The following EPG5 variants were observed in gnomAD, a reference collection of about 807,000 sequenced individuals.
The protein encoded by EPG5 is ectopic P-granules 5 autophagy tethering factor.
A neutral mutation model predicts 302.7 loss-of-function variants in EPG5; 159 were observed. That is an observed-to-expected ratio of 0.53 (90% CI 0.46 to 0.60). The LOEUF (loss-of-function observed/expected upper bound fraction) is 0.60, where lower values mean the gene tolerates loss of function less well. EPG5 is among the 20% of genes least tolerant of loss of function. The pLI is 0.00. For missense variants in EPG5, 2,896 were observed against 3,092.4 expected (o/e 0.94, Z 1.51); for synonymous variants, 1,158 against 1,136.8 (o/e 1.02, Z -0.37).
At position 45,896,690 on chromosome 18, in the gene EPG5, G is replaced by A. The variant is rs548670080; in HGVS notation, c.4809+2714C>T. The stretch of plus-strand genomic sequence containing the variant: ...CACCCAAGTAGCTTGGACCACAGGC[G>A]TGCGCCACCATGCCCGGCTTATTTT... On this transcript the variant is annotated intron_variant, in intron 27 of 43. Transcript: ENST00000282041. Among the ~76,000 whole-genome samples the A allele has an allele frequency of 1.8e-4, 28 of 152,180 alleles. No homozygotes were observed. The South Asian group carries it at 3.9e-3, about 21-fold the overall frequency.
intron 9 of EPG5, 38 bp from the exon 10 acceptor site, chr18:45,939,793 G>C: frequency 6.4e-7 from 1 of 1,573,650 alleles, no homozygotes. Flanking sequence ...CTTTTCATTA[G>C]CTCAATATCT....
In EPG5 at chr18:45,880,076, T is replaced by C; in HGVS notation, c.5666A>G (p.Gln1889Arg). ...SSSDALLSDK[Q>R]VMETIQWLSD... The stretch of plus-strand genomic sequence containing the variant: ...CGTCAGAGACCAAAGGCTACACACC[T>C]GCTTGTCTGACAAGAGAGCATCAGA... The change falls in exon 32 of 44, where the codon CAG (glutamine) becomes CGG (arginine). Residue 1889 changes from glutamine (Q) to arginine (R), a missense_variant and splice_region_variant. By Grantham distance (43) the Gln-to-Arg change is conservative (BLOSUM62 1). Coordinates refer to ENST00000282041, the MANE Select transcript of EPG5 (RefSeq NM_020964.3). The C allele has an allele frequency of 6.3e-7, 1 of 1,581,042 alleles. No individual in the cohort carries two copies. The highest frequency in any genetic ancestry group is 8.6e-7 in the Non-Finnish European group (1 of 1,161,276).
chr18:45,867,841 A>C (rs2048779387), intron 36 of EPG5, 93 bp from the exon 37 acceptor site: 1 of 1,155,840 alleles, frequency 8.7e-7, no homozygotes, highest in Non-Finnish European at 1.2e-6. Context: ...ATGTTTTTAA[A>C]AAACACTTTT....
rs2145189607 is a variant in EPG5 at position 45,857,613 on chromosome 18, T to TA, written c.7442+239dup. The stretch of plus-strand genomic sequence containing the variant: ...AAAGTCCAAACACAACAGGAGATAC[T>TA]ATTAAAAATACTGTTTGAATTGAAA... On this transcript the variant is annotated intron_variant, in intron 42 of 43. Transcript: ENST00000282041. 5 of 471,942 alleles carry TA rather than the reference T, an allele frequency of 1.1e-5. No homozygotes were observed. In the South Asian group the frequency reaches 1.3e-4, roughly 13 times the overall value. The allele number at this position is 471,942 out of a possible 1,614,324, so 29.2% of individuals were successfully genotyped here.
At chr18:45,807,426 C>A in the EPG5 span, among the ~76,000 whole-genome samples, 10 of 152,216 alleles carry the variant, frequency 6.6e-5, no homozygotes, top group Non-Finnish European at 1.2e-4. Context: ...CCAACCAGCA[C>A]AAAAATACTA....
At chr18:45,854,875 T>G (rs2048482161) in intron 43 of EPG5, among the ~76,000 whole-genome samples, 1 of 152,184 alleles carries the variant, frequency 6.6e-6, no homozygotes, top group Non-Finnish European at 1.5e-5. Context: ...AATAAAGTCG[T>G]TTCTGTGCTA....
At chr18:45,912,623 T>C (rs181363150) in intron 21 of EPG5, among the ~76,000 whole-genome samples, 167 bp from the exon 22 acceptor site, 1 of 152,330 alleles carries the variant, frequency 6.6e-6, no homozygotes, top group African/African-American at 2.4e-5. Context: ...AGTTAACATT[T>C]TAACCTCCTT....
At chr18:45,893,155 AT>A (rs2049388199) in intron 27 of EPG5, among the ~76,000 whole-genome samples, 2 of 152,198 alleles carry the variant, frequency 1.3e-5, no homozygotes, top group Non-Finnish European at 2.9e-5. Context: ...GGGGTCTTGA[AT>A]TTAGACATAT....
In EPG5 at chr18:45,855,729, A is replaced by G. The variant is rs367860676; in HGVS notation, c.7443-42T>C. The G allele has an allele frequency of 6.2e-6, 8 of 1,283,326 alleles. No individual in the cohort carries two copies. In the African/African-American group the frequency reaches 1.0e-4, roughly 16 times the overall value. 79.5% of individuals were successfully genotyped at this position (1,283,326 alleles called of 1,614,324 possible). ...AGGTCAGAAGAAGTAAATGGCTATTAAAGTAAGCATTTTGAAATAAACACC... is the reference window on the plus strand; with the variant it reads ...AGGTCAGAAGAAGTAAATGGCTATTGAAGTAAGCATTTTGAAATAAACACC... On this transcript the variant is annotated intron_variant, in intron 42 of 43. Transcript: ENST00000282041.
rs371684643 is a variant in EPG5 at position 45,954,552 on chromosome 18, G to A, written c.850C>T (p.His284Tyr). The stretch of plus-strand genomic sequence containing the variant: ...TCATAAAATTCATGCCTGTCTTGAT[G>A]AGCCATGCTGTCAAATTCTTCTAAA... ...SYLEEFDSMA[H>Y]QDRHEFYELL... Residue 284 changes from histidine to tyrosine, a missense_variant, in exon 2 of 44, where the codon CAT (histidine) becomes TAT (tyrosine). His to Tyr is a moderately conservative substitution (Grantham distance 83). Coordinates refer to ENST00000282041, the MANE Select transcript of EPG5 (RefSeq NM_020964.3). 5.0e-6 allele frequency: 8 copies of A among 1,614,136 alleles called. No homozygotes were observed. In the African/African-American group the frequency reaches 6.7e-5, roughly 13 times the overall value.
intron 35 of EPG5, among the ~76,000 whole-genome samples, chr18:45,873,869 G>A (rs1469304741): frequency 6.6e-6 from 1 of 152,172 alleles, no homozygotes; most frequent in Admixed American, 6.5e-5. Context: ...GAGCTATCCA[G>A]CCATGAAAAG....
At chr18:45,823,194 A>G in the EPG5 span, among the ~76,000 whole-genome samples, 1 of 152,258 alleles carries the variant, frequency 6.6e-6, no homozygotes, top group East Asian at 1.9e-4. Context: ...CTCCAGGCAG[A>G]AGGAACAGTA....
the EPG5 span, among the ~76,000 whole-genome samples, chr18:45,835,523 A>T: frequency 1.3e-5 from 2 of 152,228 alleles, no homozygotes; most frequent in African/African-American, 4.8e-5. Context: ...AAAAAATAAA[A>T]GGCCATGAAA....
intron 27 of EPG5, among the ~76,000 whole-genome samples, chr18:45,891,947 T>C (rs1193517333): frequency 6.6e-6 from 1 of 152,164 alleles, no homozygotes; most frequent in African/African-American, 2.4e-5. Context: ...CAAATACAGT[T>C]AGACCGGGAC....
At chr18:45,842,151 C>T in the EPG5 span, 1 of 1,614,162 alleles carries the variant, frequency 6.2e-7, no homozygotes, top group South Asian at 1.1e-5. Context: ...GCCAGATGAA[C>T]CCCCGGAGCC....
the EPG5 span, chr18:45,825,482 T>C: frequency 5.4e-6 from 3 of 557,048 alleles, no homozygotes; most frequent in African/African-American, 3.7e-5. Context: ...TCCTGGAAAA[T>C]CATCCCAGTG....
chr18:45,959,057 A>G (rs562306810), intron 1 of EPG5, among the ~76,000 whole-genome samples: 2 of 152,350 alleles, frequency 1.3e-5, no homozygotes, highest in South Asian at 4.1e-4. Flanking sequence ...GACTGATTTG[A>G]GTAATAATAA....
At chr18:45,927,240 C>T (rs985141318) in intron 13 of EPG5, among the ~76,000 whole-genome samples, 10 of 152,072 alleles carry the variant, frequency 6.6e-5, no homozygotes, top group African/African-American at 2.4e-4. Context: ...GGGATTTCAC[C>T]GTGTTAGCCA....
chr18:45,858,103 G>C (rs957789099), intron 41 of EPG5, 35 bp from the exon 42 acceptor site: 8 of 1,553,032 alleles, frequency 5.2e-6, no homozygotes, highest in Non-Finnish European at 7.1e-6. Flanking sequence ...AAAATTAGAA[G>C]TAAATTTTTC....
Sources: gnomAD v4.1 joint callset for allele counts (sites outside exome capture counted in the v4.1 genomes callset) on GRCh38, gnomAD v4.1.1 for gene constraint, MANE v1.5 for transcripts, NCBI Gene and HGNC (gene_info 2026-07-23, HGNC 2026-07-21) for gene names.